MED8: variants seen among roughly 807,000 people sequenced by gnomAD.
MED8 encodes mediator complex subunit 8, also known as mediator of RNA polymerase II transcription subunit 8.
In MED8, 22 loss-of-function variants were observed where a neutral mutation model predicts 34.8. The ratio of observed to expected loss-of-function variants is 0.63; its 90% CI spans 0.45 to 0.90. The LOEUF (loss-of-function observed/expected upper bound fraction) is 0.90, where lower values mean the gene tolerates loss of function less well. Ranked by LOEUF, MED8 falls within the 40% of genes least tolerant of loss-of-function variation. The probability of loss-of-function intolerance (pLI) is 0.00; values close to 1 mark genes in which losing one functional copy is unlikely to be tolerated. For missense variants in MED8, 260 were observed against 326.3 expected, an observed-to-expected ratio of 0.80 and a Z score of 1.57; for synonymous variants, 105 against 120.2, an observed-to-expected ratio of 0.87 and a Z score of 0.83.
rs984690723 is a variant in MED8 at position 43,386,847 on chromosome 1, C to A, written c.411+11G>T. 1.2e-6 allele frequency: 2 copies of A among 1,613,752 alleles called. No homozygotes were observed. The highest frequency in any genetic ancestry group is 1.1e-5 in the South Asian group (1 of 91,048). On this transcript the variant is annotated intron_variant, in intron 4 of 6. Coordinates refer to ENST00000372457, the MANE Select transcript of MED8 (RefSeq NM_201542.5). The surrounding 1 kb of genome is among the most constrained non-coding windows in gnomAD (Gnocchi z 4.9). ...TGGGGATGGGGCAGCAAGGCAGTGA[C>A]TCAGTCCAACCTGGGCTGCATCTGC...
In MED8 at chr1:43,384,941, T is replaced by C. The variant is rs1054823509; in HGVS notation, c.*101A>G. The C allele has an allele frequency of 2.0e-6, 3 of 1,471,498 alleles. No individual in the cohort carries two copies. Among genetic ancestry groups the C allele is most frequent in the East Asian group, 5.0e-5 (2 of 39,898 alleles). The allele number at this position is 1,471,498 out of a possible 1,614,324, so 91.2% of individuals were successfully genotyped here. On this transcript the variant is annotated 3_prime_UTR_variant, in exon 7 of 7. Coordinates refer to ENST00000372457, the MANE Select transcript of MED8 (RefSeq NM_201542.5). ...GGATTTGTCTGCTGCTGAAAGCCCA[T>C]GTTCTTTTTATTGTACCCATCTAGG...
chr1:43,388,528 T>A, intron 1 of MED8, 100 bp from the exon 2 acceptor site: 1 of 1,532,166 alleles, frequency 6.5e-7, no homozygotes, highest in East Asian at 2.3e-5. Flanking sequence ...ACCAGTCAGG[T>A]AACACAGGAT....
In MED8 at chr1:43,384,646, G is replaced by A; in HGVS notation, c.*396C>T. 2.7e-6 allele frequency: 4 copies of A among 1,487,724 alleles called. No individual in the cohort carries two copies. In the South Asian group the frequency reaches 4.1e-5, roughly 15 times the overall value. The allele number at this position is 1,487,724 out of a possible 1,614,324, so 92.2% of individuals were successfully genotyped here. Reference sequence around the variant, plus strand: ...GCCTTATTTGATCTTGTGTCCATCAGCTCACCATTGACGTGAGGCAGTATC... The same window carrying A: ...GCCTTATTTGATCTTGTGTCCATCAACTCACCATTGACGTGAGGCAGTATC... On this transcript the variant is annotated 3_prime_UTR_variant, in exon 7 of 7. Coordinates refer to ENST00000372457, the MANE Select transcript of MED8 (RefSeq NM_201542.5).
chr1:43,386,412 G>A lies in MED8; in HGVS notation c.493+177C>T. 9.6e-7 allele frequency: 1 copy of A among 1,039,262 alleles called. No homozygotes were observed. The highest frequency in any genetic ancestry group is 1.4e-6 in the Non-Finnish European group (1 of 728,900). 64.4% of individuals were successfully genotyped at this position (1,039,262 alleles called of 1,614,324 possible). On this transcript the variant is annotated intron_variant, in intron 5 of 6. Transcript: ENST00000372457. This position sits in a 1 kb window ranked among gnomAD's most constrained non-coding sequence, Gnocchi z 4.9. ...TCTCAGAATTCTCTCTTCTTACTTT[G>A]CCCATTTCCTCCACTGCTTCAGTGC...
chr1:43,384,821 T>A lies in MED8; in HGVS notation c.*221A>T, dbSNP rs1031569705. ...CATTTTAATCCTCACAACAACCCTA[T>A]GAGGTAGGTATTATCACCATTTACA... On this transcript the variant is annotated 3_prime_UTR_variant, in exon 7 of 7. Coordinates refer to ENST00000372457, the MANE Select transcript of MED8 (RefSeq NM_201542.5). 13 of 1,385,790 alleles carry A rather than the reference T, an allele frequency of 9.4e-6. No individual in the cohort carries two copies. In the Admixed American group the frequency reaches 2.5e-4, roughly 26 times the overall value. The allele number at this position is 1,385,790 out of a possible 1,614,324, so 85.8% of individuals were successfully genotyped here.
Position 43,388,224 on chromosome 1 carries a change from G to A in MED8, c.125+86C>T. ...AAAGATGTTTGCAAACTGATAAATG[G>A]TTACATCATTAGAAATGTCCTATTC... On this transcript the variant is annotated intron_variant, in intron 2 of 6. Coordinates refer to ENST00000372457, the MANE Select transcript of MED8 (RefSeq NM_201542.5). The A allele has an allele frequency of 2.3e-6, 3 of 1,296,876 alleles. No homozygotes were observed. In the South Asian group the frequency reaches 3.9e-5, roughly 17 times the overall value. 80.3% of individuals were successfully genotyped at this position (1,296,876 alleles called of 1,614,324 possible).
At chr1:43,387,376 G>T in intron 3 of MED8, 127 bp downstream of exon 3, 2 of 1,297,962 alleles carry the variant, frequency 1.5e-6, no homozygotes, top group South Asian at 1.5e-5. Flanking sequence ...CCCGCCTTCA[G>T]AAGAACAAAA....
rs772276360 is a variant in MED8, at chr1:43,386,717, T to C, written c.412-47A>G. ...AGAGATTAGGGTAACTAGGAAACGA[T>C]ATGGAGAAATTTATTCCTTGGGTTC... is the stretch of plus-strand genomic sequence containing the variant. On this transcript the variant is annotated intron_variant, in intron 4 of 6. Coordinates refer to ENST00000372457, the MANE Select transcript of MED8 (RefSeq NM_201542.5). The surrounding 1 kb of genome is among the most constrained non-coding windows in gnomAD (Gnocchi z 4.9). The C allele has an allele frequency of 1.5e-5, 24 of 1,592,158 alleles. No homozygotes were observed. The South Asian group carries it at 2.7e-4, about 18-fold the overall frequency.
chr1:43,387,961 C>G, intron 2 of MED8, among the ~76,000 whole-genome samples: 1 of 151,950 alleles, frequency 6.6e-6, no homozygotes, highest in East Asian at 1.9e-4. Context: ...AGCCTCCTTT[C>G]CAGCCTGGAA....
At chr1:43,388,166 TA>T in intron 2 of MED8, 143 bp downstream of exon 2, 1 of 801,804 alleles carries the variant, frequency 1.2e-6, no homozygotes, top group Non-Finnish European at 1.9e-6. Context: ...ATCCACTTGC[TA>T]AATGTTAGGA....
In MED8 at chr1:43,387,499, T is replaced by C. The variant is rs986218607; in HGVS notation, c.270+4A>G. On this transcript the variant is annotated splice_donor_region_variant and intron_variant, in intron 3 of 6. Transcript: ENST00000372457. Reference sequence around the variant, plus strand: ...CCCAAGTTGTATTCTTTTTCTCCTCTTACCATGAGATCTTCATCTCGGTCT... The same window carrying C: ...CCCAAGTTGTATTCTTTTTCTCCTCCTACCATGAGATCTTCATCTCGGTCT... The C allele has an allele frequency of 6.2e-7, 1 of 1,613,796 alleles. No individual in the cohort carries two copies. The highest frequency in any genetic ancestry group is 8.5e-7 in the Non-Finnish European group (1 of 1,179,830).
Position 43,386,766 on chromosome 1 carries a change from CCAACTATG to C in MED8, c.411+84_411+91del. The C allele has an allele frequency of 6.3e-7, 1 of 1,599,832 alleles. No individual in the cohort carries two copies. Among genetic ancestry groups the C allele is most frequent in the Non-Finnish European group, 8.5e-7 (1 of 1,172,156 alleles). ...TCTGCCAGAAGCAACTTAGGCGCAACCAACTATGTATCCCTACTAGACAGGAATGGTAA... is the reference window on the plus strand; with the variant it reads ...TCTGCCAGAAGCAACTTAGGCGCAACTATCCCTACTAGACAGGAATGGTAA... On this transcript the variant is annotated intron_variant, in intron 4 of 6. Transcript: ENST00000372457. The surrounding 1 kb of genome is among the most constrained non-coding windows in gnomAD (Gnocchi z 4.9).
chr1:43,386,180 G>A lies in MED8; in HGVS notation c.540C>T (p.Ala180=), dbSNP rs1473456213. 2 of 1,614,004 alleles carry A rather than the reference G, an allele frequency of 1.2e-6. No individual in the cohort carries two copies. Among genetic ancestry groups the A allele is most frequent in the Non-Finnish European group, 1.7e-6 (2 of 1,179,906 alleles). ...KQTFNPTDTN[A]LVAAVAFGKG... is the part of the protein sequence containing the mutation. ...TCCCAAAGGCAACAGCTGCCACCAA[G>A]GCATTAGTGTCTGTAGGGTTAAAGG... is the stretch of plus-strand genomic sequence containing the variant. Residue 180 remains alanine (A), a synonymous_variant, in exon 6 of 7, where the codon GCC becomes GCT. Coordinates refer to ENST00000372457, the MANE Select transcript of MED8 (RefSeq NM_201542.5). The surrounding 1 kb of genome is among the most constrained non-coding windows in gnomAD (Gnocchi z 4.9).
chr1:43,388,677 A>C, intron 1 of MED8: 2 of 484,868 alleles, frequency 4.1e-6, no homozygotes, highest in South Asian at 2.5e-5. Flanking sequence ...ATCACCTCCT[A>C]ATCTATGCCT....
In MED8 at chr1:43,388,331, T is replaced by G; in HGVS notation, c.104A>C (p.Asn35Thr). The change falls in exon 2 of 7, where the codon AAC becomes ACC. Residue 35 changes from asparagine to threonine, a missense_variant. By Grantham distance (65) the Asn-to-Thr change is moderately conservative (BLOSUM62 0). Transcript: ENST00000372457. Reference sequence around the variant, plus strand: ...TTACCAGGTCAGCCGGCCATACTCGTTCTCCAACTTGCAAATGAAACTCCC... The same window carrying G: ...TTACCAGGTCAGCCGGCCATACTCGGTCTCCAACTTGCAAATGAAACTCCC... ...SLGSFICKLE[N>T]EYGRLTWPSV... 1 of 1,613,516 alleles carries G rather than the reference T, an allele frequency of 6.2e-7. No homozygotes were observed.
rs574419992 is a variant in MED8, at chr1:43,384,893, A to C, written c.*149T>G. ...AATTAGGTCACTTGTCCAAGGTCAC[A>C]CAGCTAGTCAGTGGTGGAAGTGGGA... On this transcript the variant is annotated 3_prime_UTR_variant, in exon 7 of 7. Coordinates refer to ENST00000372457, the MANE Select transcript of MED8 (RefSeq NM_201542.5). 2.6e-4 allele frequency: 374 copies of C among 1,426,672 alleles called. No individual in the cohort carries two copies. Among genetic ancestry groups the C allele is most frequent in the Non-Finnish European group, 3.1e-4 (335 of 1,087,516 alleles). 88.4% of individuals were successfully genotyped at this position (1,426,672 alleles called of 1,614,324 possible).
intron 3 of MED8, 102 bp from the exon 4 acceptor site, chr1:43,387,100 A>C: frequency 7.0e-7 from 1 of 1,438,442 alleles, no homozygotes; most frequent in Non-Finnish European, 9.5e-7. Flanking sequence ...ATTTTCAAGG[A>C]AAATACAACC....
chr1:43,385,995 G>A lies in MED8; in HGVS notation c.725C>T (p.Ala242Val). 1 of 1,613,992 alleles carries A rather than the reference G, an allele frequency of 6.2e-7. No homozygotes were observed. The highest frequency in any genetic ancestry group is 8.5e-7 in the Non-Finnish European group (1 of 1,179,892). ...QQPMLSGVQM[A>V]QAGQPGKMPS... is the part of the protein sequence containing the mutation. ...CACCTTACCTGGTTGACCTGCCTGA[G>A]CCATTTGTACCCCACTGAGCATTGG... Residue 242 changes from alanine (A) to valine (V), a missense_variant, in exon 6 of 7, where the codon GCT (alanine) becomes GTT (valine). Ala to Val is a moderately conservative substitution (Grantham distance 64, BLOSUM62 0). Coordinates refer to ENST00000372457, the MANE Select transcript of MED8 (RefSeq NM_201542.5).
intron 1 of MED8, chr1:43,388,926 G>C (rs997141408): frequency 6.5e-6 from 1 of 153,778 alleles, no homozygotes; most frequent in African/African-American, 2.4e-5. Context: ...AACGACTCCA[G>C]CTTTCCATCT....
Sources: gnomAD v4.1 joint callset for allele counts (sites outside exome capture counted in the v4.1 genomes callset) on GRCh38, gnomAD v4.1.1 for gene constraint, Gnocchi (gnomAD v3.1) non-coding constraint, MANE v1.5 for transcripts, NCBI Gene and HGNC (gene_info 2026-07-23, HGNC 2026-07-21) for gene names.